The following CA10 variants were observed in gnomAD, a reference collection of about 807,000 sequenced individuals.
CA10 encodes the protein carbonic anhydrase 10 (inactive), also known as carbonic anhydrase-related protein 10.
Under a neutral mutation model 44.2 loss-of-function variants are expected in CA10, and 14 were observed. The ratio of observed to expected loss-of-function variants is 0.32; its 90% CI spans 0.21 to 0.50. CA10 has a LOEUF of 0.50. Ranked by LOEUF, CA10 falls within the 20% of genes least tolerant of loss-of-function variation. The pLI is 0.99. For synonymous variants in CA10, 159 were observed against 141.6 expected (o/e 1.12, Z -0.87); for missense variants, 350 against 409.7 (o/e 0.85, Z 1.26).
intron 3 of CA10, among the ~76,000 whole-genome samples, chr17:51,876,054 A>G (rs1336261806): frequency 6.6e-6 from 1 of 151,682 alleles, no homozygotes; most frequent in Admixed American, 6.6e-5. Flanking sequence ...CTGTTTAACT[A>G]TGGAAAGACA....
intron 3 of CA10, among the ~76,000 whole-genome samples, chr17:51,855,196 AAG>A (rs1168753773): frequency 6.6e-6 from 1 of 152,126 alleles, no homozygotes; most frequent in African/African-American, 2.4e-5. Flanking sequence ...CGCCAGCTTG[AAG>A]AGTTATGAGG....
intron 3 of CA10, among the ~76,000 whole-genome samples, chr17:51,875,236 C>T (rs549568024): frequency 2.0e-5 from 3 of 152,230 alleles, no homozygotes; most frequent in Admixed American, 6.5e-5. Flanking sequence ...GTCTTGAACT[C>T]CTGGGTTCAA....
intron 1 of CA10, among the ~76,000 whole-genome samples, chr17:52,116,090 C>CAAAAAAAAAAAAAAAAAAAAAAAA (rs71149393): frequency 7.3e-6 from 1 of 136,748 alleles, no homozygotes; most frequent in African/African-American, 2.6e-5. Flanking sequence ...GACTCTGTCT[C>CAAAAAAAAAAAAAAAAAAAAAAAA]AAAAAAAAAA....
chr17:51,735,408 G>C (rs143384910), intron 4 of CA10, among the ~76,000 whole-genome samples: 1 of 152,102 alleles, frequency 6.6e-6, no homozygotes, highest in Non-Finnish European at 1.5e-5. Flanking sequence ...GGAAGCAAGC[G>C]TTGAAGAACT....
chr17:51,955,636 C>G (rs1031395402), intron 2 of CA10, among the ~76,000 whole-genome samples: 1 of 152,166 alleles, frequency 6.6e-6, no homozygotes, highest in African/African-American at 2.4e-5. Flanking sequence ...ATCACTCCCC[C>G]ACCTAAGCTT....
At chr17:52,094,151 G>C (rs1224993429) in intron 1 of CA10, among the ~76,000 whole-genome samples, 1 of 152,112 alleles carries the variant, frequency 6.6e-6, no homozygotes, top group Non-Finnish European at 1.5e-5. Context: ...CGGGGTGTGG[G>C]GGCTGGGGGA....
chr17:51,645,724 C>T lies in CA10; in HGVS notation c.634+3458G>A, dbSNP rs112907160. On this transcript the variant is annotated intron_variant, in intron 6 of 8. Transcript: ENST00000451037. Reference sequence around the variant, plus strand: ...CTTTCCTTCCTCCTTAGGGAGAAAGCATGATAGGAAGGAAAAGCAGAGGAA... The same window carrying T: ...CTTTCCTTCCTCCTTAGGGAGAAAGTATGATAGGAAGGAAAAGCAGAGGAA... 4.9e-4 allele frequency among the ~76,000 whole-genome samples: 74 copies of T among 152,304 alleles called. 1 individual carries two copies. The highest frequency in any genetic ancestry group is 1.7e-3 in the African/African-American group (69 of 41,560).
intron 3 of CA10, among the ~76,000 whole-genome samples, chr17:51,789,896 G>A (rs1266441961): frequency 6.6e-6 from 1 of 152,220 alleles, no homozygotes; most frequent in African/African-American, 2.4e-5. Flanking sequence ...GCTCACTAAG[G>A]GATGAAGATC....
At chr17:52,072,450 G>T (rs1250219843) in intron 1 of CA10, 57 bp from the exon 2 acceptor site, 1 of 1,275,794 alleles carries the variant, frequency 7.8e-7, no homozygotes, top group East Asian at 2.3e-5. Context: ...ACTGTGTCCC[G>T]GCTGTCCGAG....
chr17:52,118,850 T>C lies in CA10; in HGVS notation c.61+38876A>G, dbSNP rs528117412. On this transcript the variant is annotated intron_variant, in intron 1 of 8. Coordinates refer to ENST00000451037, the MANE Select transcript of CA10 (RefSeq NM_020178.5). ...TTATTCACAGGCAATTGTTGTCTTG[T>C]TTTGATCCTGTTCAAAAGATGGTTT... Among the ~76,000 whole-genome samples the C allele has an allele frequency of 5.3e-5, 8 of 152,304 alleles. No homozygotes were observed. In the East Asian group the frequency reaches 1.5e-3, roughly 29 times the overall value.
intron 3 of CA10, among the ~76,000 whole-genome samples, chr17:51,913,325 G>A (rs1456984672): frequency 6.6e-6 from 1 of 152,182 alleles, no homozygotes; most frequent in African/African-American, 2.4e-5. Flanking sequence ...AAGAACTGAA[G>A]GCAGGGTGAG....
At chr17:51,783,263 T>C (rs1365463664) in intron 3 of CA10, among the ~76,000 whole-genome samples, 6 of 152,226 alleles carry the variant, frequency 3.9e-5, no homozygotes, top group African/African-American at 9.6e-5. Context: ...TAGAGAAGTA[T>C]GAAAGCTCAT....
At chr17:51,850,706 C>T (rs567530508) in intron 3 of CA10, among the ~76,000 whole-genome samples, 60 of 152,306 alleles carry the variant, frequency 3.9e-4, no homozygotes, top group Non-Finnish European at 7.3e-4. Flanking sequence ...GGGCCTTGCA[C>T]ACCACTGTAT....
At chr17:51,968,128 G>A (rs1452241015) in intron 2 of CA10, among the ~76,000 whole-genome samples, 1 of 151,836 alleles carries the variant, frequency 6.6e-6, no homozygotes, top group East Asian at 1.9e-4. Context: ...AGATAGTACA[G>A]CAACTCTAGT....
chr17:51,756,064 ATT>A (rs5820877), intron 3 of CA10, among the ~76,000 whole-genome samples: 4,556 of 148,290 alleles, frequency 0.031, 234 homozygotes, highest in African/African-American at 0.11. Flanking sequence ...TCTTCAGCAG[ATT>A]TTTTTTTTTT....
chr17:51,803,844 A>G (rs915662071), intron 3 of CA10, among the ~76,000 whole-genome samples: 9 of 152,356 alleles, frequency 5.9e-5, no homozygotes, highest in Admixed American at 5.9e-4. Context: ...TCCTTTTGTC[A>G]GAGAAGAAAA....
chr17:52,010,458 A>C (rs1985750829), intron 2 of CA10, among the ~76,000 whole-genome samples: 1 of 152,010 alleles, frequency 6.6e-6, no homozygotes, highest in Non-Finnish European at 1.5e-5. Flanking sequence ...AAGGAATTAA[A>C]TAATGGCATT....
At chr17:51,775,385 C>A (rs1331259866) in intron 3 of CA10, among the ~76,000 whole-genome samples, 1 of 152,162 alleles carries the variant, frequency 6.6e-6, no homozygotes, top group Non-Finnish European at 1.5e-5. Context: ...TTTTCATCAT[C>A]CATAAAGCTA....
chr17:51,704,346 A>G (rs1320755544), intron 4 of CA10, among the ~76,000 whole-genome samples: 4 of 152,238 alleles, frequency 2.6e-5, no homozygotes, highest in South Asian at 2.1e-4. Flanking sequence ...AATTGAAACA[A>G]TGGTTACAAG....
Sources: gnomAD v4.1 joint callset for allele counts (sites outside exome capture counted in the v4.1 genomes callset) on GRCh38, gnomAD v4.1.1 for gene constraint, MANE v1.5 for transcripts, NCBI Gene and HGNC (gene_info 2026-07-23, HGNC 2026-07-21) for gene names.